HS6ST3: variants seen among roughly 807,000 people sequenced by gnomAD.
HS6ST3 encodes the protein heparan-sulfate 6-O-sulfotransferase 3.
In HS6ST3, 12 loss-of-function variants were observed where a neutral mutation model predicts 36.7. That is an observed-to-expected ratio of 0.33 (90% CI 0.21 to 0.53). The LOEUF (loss-of-function observed/expected upper bound fraction) is 0.53, where lower values mean the gene tolerates loss of function less well. Among genes scored for constraint, HS6ST3 ranks in the 20% least tolerant of loss-of-function variants. The pLI, the probability that HS6ST3 is intolerant of heterozygous loss-of-function variation, is 0.95. For missense variants in HS6ST3, 584 were observed against 640.9 expected (o/e 0.91, Z 0.96); for synonymous variants, 240 against 257.5 (o/e 0.93, Z 0.65).
chr13:96,198,507 AC>A (rs1289892976), intron 1 of HS6ST3, among the ~76,000 whole-genome samples: 2 of 152,226 alleles, frequency 1.3e-5, no homozygotes, highest in East Asian at 3.8e-4. Flanking sequence ...CTTTAACAGT[AC>A]CCAAGTCATC....
intron 1 of HS6ST3, among the ~76,000 whole-genome samples, chr13:96,238,055 A>G (rs1336498557): frequency 6.6e-6 from 1 of 152,204 alleles, no homozygotes; most frequent in African/African-American, 2.4e-5. Context: ...CAAACTTAAC[A>G]TGTCCAAAGT....
intron 1 of HS6ST3, among the ~76,000 whole-genome samples, chr13:96,525,471 A>G (rs754438329): frequency 6.6e-6 from 1 of 152,166 alleles, no homozygotes; most frequent in South Asian, 2.1e-4. Context: ...TTACCTCTAC[A>G]GCCGACAGGT....
intron 1 of HS6ST3, among the ~76,000 whole-genome samples, chr13:96,464,138 C>CAAAAAAAAAAAAAA (rs67305199): frequency 1.3e-4 from 5 of 38,790 alleles, no homozygotes; most frequent in Admixed American, 4.9e-4. Flanking sequence ...TGTCAGGCCT[C>CAAAAAAAAAAAAAA]AAAAAAAAAA....
rs927471675 is a variant in HS6ST3 at position 96,738,571 on chromosome 13, T to G, written c.708-93919T>G. ...TATATTTCAAATAATGCCCTATTAT[T>G]GTTTAAATAGCAGAACATTTTTTCC... On this transcript the variant is annotated intron_variant, in intron 1 of 1. Coordinates refer to ENST00000376705, the MANE Select transcript of HS6ST3 (RefSeq NM_153456.4). Among the ~76,000 whole-genome samples, 14 of 152,326 alleles carry G rather than the reference T, an allele frequency of 9.2e-5. 2 individuals are homozygous for G. Among genetic ancestry groups the G allele is most frequent in the African/African-American group, 3.4e-4 (14 of 41,576 alleles).
intron 1 of HS6ST3, among the ~76,000 whole-genome samples, chr13:96,409,211 G>A (rs1415050821): frequency 6.6e-6 from 1 of 152,222 alleles, no homozygotes; most frequent in African/African-American, 2.4e-5. Context: ...TATCTGGCAT[G>A]TGCAGGATCA....
At chr13:96,117,203 C>T (rs2053897797) in intron 1 of HS6ST3, among the ~76,000 whole-genome samples, 1 of 152,104 alleles carries the variant, frequency 6.6e-6, no homozygotes, top group Non-Finnish European at 1.5e-5. Flanking sequence ...TCCTAGGAGT[C>T]CTTATTTCTG....
intron 1 of HS6ST3, among the ~76,000 whole-genome samples, chr13:96,182,177 T>C (rs1466104219): frequency 6.6e-6 from 1 of 152,190 alleles, no homozygotes; most frequent in Non-Finnish European, 1.5e-5. Flanking sequence ...ATTCCCAAAA[T>C]AGCACTTTCT....
At chr13:96,568,882 C>G (rs2056291173) in intron 1 of HS6ST3, among the ~76,000 whole-genome samples, 1 of 152,104 alleles carries the variant, frequency 6.6e-6, no homozygotes, top group East Asian at 1.9e-4. Flanking sequence ...CAAGAATAAG[C>G]TAAGTGTGGC....
At chr13:96,478,472 G>A (rs1468204237) in intron 1 of HS6ST3, among the ~76,000 whole-genome samples, 1 of 152,078 alleles carries the variant, frequency 6.6e-6, no homozygotes, top group Non-Finnish European at 1.5e-5. Context: ...TGGCAGGGGG[G>A]TTAAGTAAGA....
chr13:96,611,580 G>A (rs2056457342), intron 1 of HS6ST3, among the ~76,000 whole-genome samples: 1 of 152,176 alleles, frequency 6.6e-6, no homozygotes, highest in African/African-American at 2.4e-5. Context: ...AAAATGAAAT[G>A]TGTGTGACAA....
chr13:96,773,780 A>T (rs1877327740), intron 1 of HS6ST3, among the ~76,000 whole-genome samples: 1 of 152,240 alleles, frequency 6.6e-6, no homozygotes, highest in African/African-American at 2.4e-5. Flanking sequence ...CCTGCCTGCC[A>T]GCTCTGAAGA....
intron 1 of HS6ST3, among the ~76,000 whole-genome samples, chr13:96,811,440 T>C (rs1332382957): frequency 6.6e-6 from 1 of 152,232 alleles, no homozygotes; most frequent in Non-Finnish European, 1.5e-5. Flanking sequence ...TCTTGAGCTC[T>C]ATGTAAATAG....
At chr13:96,383,287 A>G (rs946071937) in intron 1 of HS6ST3, among the ~76,000 whole-genome samples, 5 of 152,138 alleles carry the variant, frequency 3.3e-5, no homozygotes, top group Non-Finnish European at 5.9e-5. Flanking sequence ...CCTTGTCTCT[A>G]CTAAACACAC....
intron 1 of HS6ST3, among the ~76,000 whole-genome samples, chr13:96,425,597 G>A (rs903531601): frequency 1.3e-5 from 2 of 152,058 alleles, no homozygotes; most frequent in Admixed American, 6.6e-5. Context: ...ATGCAAAATA[G>A]TTCATTGTAA....
intron 1 of HS6ST3, among the ~76,000 whole-genome samples, chr13:96,198,396 T>C (rs990793328): frequency 2.6e-5 from 4 of 152,234 alleles, no homozygotes; most frequent in Non-Finnish European, 4.4e-5. Flanking sequence ...TGTAGCTGGC[T>C]TGAATTTCTC....
intron 1 of HS6ST3, among the ~76,000 whole-genome samples, chr13:96,200,122 A>T (rs1229780492): frequency 6.6e-6 from 1 of 152,214 alleles, no homozygotes; most frequent in African/African-American, 2.4e-5. Flanking sequence ...TGCAAAGATC[A>T]TTCAGCTGTG....
At chr13:96,346,941 A>G (rs2055158348) in intron 1 of HS6ST3, among the ~76,000 whole-genome samples, 1 of 152,110 alleles carries the variant, frequency 6.6e-6, no homozygotes, top group Non-Finnish European at 1.5e-5. Flanking sequence ...GCTTTGATGA[A>G]TCAAGCTGTC....
At chr13:96,531,325 G>T (rs940490176) in intron 1 of HS6ST3, among the ~76,000 whole-genome samples, 1 of 152,184 alleles carries the variant, frequency 6.6e-6, no homozygotes, top group Non-Finnish European at 1.5e-5. Context: ...TAAATATGAA[G>T]TTAAATATGG....
At chr13:96,670,096 A>G (rs2056678021) in intron 1 of HS6ST3, among the ~76,000 whole-genome samples, 1 of 152,192 alleles carries the variant, frequency 6.6e-6, no homozygotes, top group African/African-American at 2.4e-5. Flanking sequence ...GTCTGAAAAG[A>G]GGGACAACTC....
Sources: gnomAD v4.1 joint callset for allele counts (sites outside exome capture counted in the v4.1 genomes callset) on GRCh38, gnomAD v4.1.1 for gene constraint, MANE v1.5 for transcripts, NCBI Gene and HGNC (gene_info 2026-07-23, HGNC 2026-07-21) for gene names.